FRK: variants seen among roughly 807,000 people sequenced by gnomAD.
FRK encodes fyn related Src family tyrosine kinase.
In FRK, 51 loss-of-function variants were observed where a neutral mutation model predicts 56.4. The observed-to-expected ratio is 0.90, with a 90% confidence interval of 0.72 to 1.14. The LOEUF (loss-of-function observed/expected upper bound fraction) is 1.14, where lower values mean the gene tolerates loss of function less well. Among genes scored for constraint, FRK ranks in the 50% most tolerant of loss-of-function variants. The pLI is 0.00. For missense variants in FRK, 570 were observed against 601.4 expected (o/e 0.95, Z 0.55); for synonymous variants, 245 against 217.9 (o/e 1.12, Z -1.10).
At chr6:116,047,811 A>G (rs982796179) in intron 1 of FRK, among the ~76,000 whole-genome samples, 7 of 151,478 alleles carry the variant, frequency 4.6e-5, no homozygotes, top group Admixed American at 2.0e-4. Flanking sequence ...AAGAGAACTA[A>G]GAAAGAAAAC....
chr6:116,097,321 C>T, the FRK span, among the ~76,000 whole-genome samples: 1 of 151,902 alleles, frequency 6.6e-6, no homozygotes, highest in African/African-American at 2.4e-5. Context: ...TTTTTTCTTA[C>T]CCCTTAAAGA....
In FRK at chr6:116,011,782, A is replaced by T. The variant is rs193055072; in HGVS notation, c.345-7784T>A. ...GAAAGGCTTGATTCATGCCCCTTGA[A>T]CTATTATGGTTCGGTATGACTCACC... is the stretch of plus-strand genomic sequence containing the variant. On this transcript the variant is annotated intron_variant, in intron 1 of 7. Transcript: ENST00000606080. 3.9e-5 allele frequency among the ~76,000 whole-genome samples: 6 copies of T among 152,258 alleles called. No homozygotes were observed. The East Asian group carries it at 1.2e-3, about 29-fold the overall frequency.
intron 5 of FRK, among the ~76,000 whole-genome samples, chr6:115,950,161 CA>C (rs1772668376): frequency 6.6e-6 from 1 of 152,152 alleles, no homozygotes; most frequent in Non-Finnish European, 1.5e-5. Context: ...GCAATGGCAA[CA>C]AAAGCCCAAA....
chr6:116,066,109 A>T, the FRK span, among the ~76,000 whole-genome samples: 2 of 152,220 alleles, frequency 1.3e-5, no homozygotes, highest in African/African-American at 4.8e-5. Context: ...GGGTGTGTCT[A>T]TGAGGGTGTT....
chr6:116,046,275 T>C (rs1776955385), intron 1 of FRK, among the ~76,000 whole-genome samples: 1 of 152,184 alleles, frequency 6.6e-6, no homozygotes, highest in Admixed American at 6.5e-5. Flanking sequence ...GCAATCCCAT[T>C]ACTGGGTATA....
chr6:116,016,860 A>C (rs1582717242), intron 1 of FRK, among the ~76,000 whole-genome samples: 1 of 152,314 alleles, frequency 6.6e-6, no homozygotes, highest in East Asian at 1.9e-4. Flanking sequence ...AACCCATGTA[A>C]ATGCCACCCA....
intron 1 of FRK, among the ~76,000 whole-genome samples, chr6:116,005,622 T>C (rs1392830810): frequency 6.6e-6 from 1 of 152,216 alleles, no homozygotes; most frequent in Admixed American, 6.5e-5. Context: ...AGCAAATTGA[T>C]GTCCATGGAC....
At chr6:116,057,286 G>A (rs1048352217) in intron 1 of FRK, among the ~76,000 whole-genome samples, 4 of 151,772 alleles carry the variant, frequency 2.6e-5, no homozygotes, top group African/African-American at 9.7e-5. Flanking sequence ...GCATTCAGGA[G>A]AAAAAAATAG....
Position 116,006,416 on chromosome 6 carries a change from C to T in FRK, c.345-2418G>A, listed in dbSNP as rs9387380. Among the ~76,000 whole-genome samples, 1,875 of 152,272 alleles carry T rather than the reference C, an allele frequency of 0.012. 131 individuals carry two copies. In the East Asian group the frequency reaches 0.2, roughly 16 times the overall value. On this transcript the variant is annotated intron_variant, in intron 1 of 7. Coordinates refer to ENST00000606080, the MANE Select transcript of FRK (RefSeq NM_002031.3). ...GGAAAATGTGAAATGAGCTTTTATA[C>T]AGTACTAGTGGTAGTACGATTTGGT...
At chr6:116,072,671 C>T in the FRK span, among the ~76,000 whole-genome samples, 1 of 151,970 alleles carries the variant, frequency 6.6e-6, no homozygotes, top group Admixed American at 6.6e-5. Context: ...GTTGGCTAAG[C>T]AAAACATGGA....
intron 1 of FRK, among the ~76,000 whole-genome samples, chr6:116,019,250 G>A (rs1010752025): frequency 2.6e-5 from 4 of 152,158 alleles, no homozygotes; most frequent in African/African-American, 7.2e-5. Flanking sequence ...CAAGAGCCTA[G>A]CACAACACAT....
At chr6:115,995,658 T>C (rs1004769108) in intron 2 of FRK, among the ~76,000 whole-genome samples, 1 of 152,168 alleles carries the variant, frequency 6.6e-6, no homozygotes, top group Non-Finnish European at 1.5e-5. Context: ...ATGTTAGTTA[T>C]GAATTTTCAG....
intron 2 of FRK, among the ~76,000 whole-genome samples, chr6:116,001,006 A>C (rs1429117184): frequency 6.6e-6 from 1 of 152,190 alleles, no homozygotes; most frequent in East Asian, 1.9e-4. Context: ...TTAGGAGGCC[A>C]GGGAGGATGG....
the FRK span, among the ~76,000 whole-genome samples, chr6:116,087,173 C>T: frequency 1.3e-5 from 2 of 152,252 alleles, no homozygotes; most frequent in Non-Finnish European, 2.9e-5. Context: ...TTTCTCTAAA[C>T]CGCAGGGCCC....
intron 2 of FRK, among the ~76,000 whole-genome samples, chr6:115,973,028 T>C (rs1215519255): frequency 6.6e-6 from 1 of 152,230 alleles, no homozygotes; most frequent in Non-Finnish European, 1.5e-5. Context: ...ATATCATTCA[T>C]TAATTTTAAT....
chr6:116,095,114 C>A, the FRK span, among the ~76,000 whole-genome samples: 4 of 152,244 alleles, frequency 2.6e-5, no homozygotes, highest in African/African-American at 9.6e-5. Flanking sequence ...CTTAATCCAG[C>A]AGGTTTCCTA....
chr6:116,034,599 G>T (rs571361879), intron 1 of FRK, among the ~76,000 whole-genome samples: 1 of 151,994 alleles, frequency 6.6e-6, no homozygotes, highest in Non-Finnish European at 1.5e-5. Context: ...GGAAACTAAC[G>T]CAGAGAGAAG....
chr6:116,032,099 G>A (rs1776322319), intron 1 of FRK, among the ~76,000 whole-genome samples: 1 of 151,944 alleles, frequency 6.6e-6, no homozygotes, highest in African/African-American at 2.4e-5. Context: ...AGGCCTACAG[G>A]GTCAGGAACT....
the FRK span, among the ~76,000 whole-genome samples, chr6:116,070,134 T>TAAAA: frequency 1.8e-4 from 24 of 137,034 alleles, no homozygotes; most frequent in African/African-American, 6.4e-4. Context: ...GCCCATTATT[T>TAAAA]AAAAAAAAAA....
Sources: allele counts gnomAD v4.1 joint callset (sites outside exome capture counted in the v4.1 genomes callset), GRCh38; gene constraint gnomAD v4.1.1; transcripts MANE v1.5; gene names NCBI Gene and HGNC (gene_info 2026-07-23, HGNC 2026-07-21).